CDHR2: variants seen among roughly 807,000 people sequenced by gnomAD.
The protein encoded by CDHR2 is cadherin-related family member 2.
In CDHR2, 104 loss-of-function variants were observed where a neutral mutation model predicts 138.6. The observed-to-expected ratio is 0.75, with a 90% CI of 0.64 to 0.88. The LOEUF is 0.88. CDHR2 is among the 40% of genes least tolerant of loss of function. The pLI is 0.00. For synonymous variants in CDHR2, 755 were observed against 742.8 expected, an observed-to-expected ratio of 1.02 and a Z score of -0.27; for missense variants, 1,624 against 1,727.6, an observed-to-expected ratio of 0.94 and a Z score of 1.06.
upstream of CDHR2, among the ~76,000 whole-genome samples, chr5:176,545,205 C>A (rs149184912): frequency 2.6e-5 from 4 of 152,280 alleles, no homozygotes; most frequent in East Asian, 7.7e-4. Context: ...AATCTCCCCC[C>A]ACCCCACCTC....
rs761570639 is a variant in CDHR2, at chr5:176,584,592, C to T, written c.2311C>T (p.Gln771Ter). 1.2e-6 allele frequency: 2 copies of T among 1,607,294 alleles called. No individual in the cohort carries two copies. Among genetic ancestry groups the T allele is most frequent in the East Asian group, 4.5e-5 (2 of 44,744 alleles). The change falls in exon 19 of 32, where the codon CAG becomes TAG. Residue 771 changes from glutamine (Q) to a stop codon, truncating the protein, a stop_gained. Transcript: ENST00000261944. LOFTEE classifies it high-confidence loss of function. ...GGACGTGAGCCTGGATTACGAGACA[C>T]AGCCCGTCTTCAACTTGACAGTGAG... ...PPDVSLDYET[Q>*]PVFNLTVSAE...
chr5:176,561,278 A>G (rs2113270889), intron 1 of CDHR2, among the ~76,000 whole-genome samples: 1 of 152,250 alleles, frequency 6.6e-6, no homozygotes, highest in South Asian at 2.1e-4. Context: ...ATTTGGACCC[A>G]GGCTCTCAGG....
chr5:176,583,869 G>T (rs975494654), intron 17 of CDHR2, among the ~76,000 whole-genome samples: 2 of 152,306 alleles, frequency 1.3e-5, no homozygotes, highest in Middle Eastern at 6.8e-3. Flanking sequence ...AGGGTCGCAG[G>T]TGGGGACCCA....
At chr5:176,549,211 G>A (rs1472364717), upstream of CDHR2, among the ~76,000 whole-genome samples, 2 of 152,160 alleles carry the variant, frequency 1.3e-5, no homozygotes, top group Non-Finnish European at 2.9e-5. Flanking sequence ...CCTCCTGTCC[G>A]GCGCCCCCAG....
At chr5:176,590,748 G>C in intron 28 of CDHR2, 61 bp downstream of exon 28, 1 of 1,604,944 alleles carries the variant, frequency 6.2e-7, no homozygotes. Context: ...CCAAGACGTC[G>C]GGGGGTAGGG....
In CDHR2 at chr5:176,576,180, G is replaced by C. The variant is rs1758377082; in HGVS notation, c.1189G>C (p.Asp397His). ...CCTCACCATGGTGGTCTACGACCCG[G>C]ACAAGGCAGGCGTGGTGGCGTGGGT... is the stretch of plus-strand genomic sequence containing the variant. ...DDLTMVVYDP[D>H]KGSNGTFLLS... Residue 397 changes from aspartate (D) to histidine (H), a missense_variant, in exon 12 of 32, where the codon GAC becomes CAC. Physicochemically the swap from Asp to His is moderately conservative, Grantham distance 81 (BLOSUM62 -1). Transcript: ENST00000261944. The surrounding 1 kb of genome is among the most constrained non-coding windows in gnomAD (Gnocchi z 4.5). The C allele has an allele frequency of 6.3e-6, 10 of 1,593,704 alleles. No homozygotes were observed. The highest frequency in any genetic ancestry group is 8.5e-6 in the Non-Finnish European group (10 of 1,169,804).
At chr5:176,552,242 G>A (rs1047354298) in intron 1 of CDHR2, among the ~76,000 whole-genome samples, 2 of 152,248 alleles carry the variant, frequency 1.3e-5, no homozygotes, top group African/African-American at 4.8e-5. Context: ...CCCAGAGTGG[G>A]GGCCACCAAC....
At chr5:176,593,090 C>A (rs1758927983) in intron 31 of CDHR2, among the ~76,000 whole-genome samples, 1 of 152,218 alleles carries the variant, frequency 6.6e-6, no homozygotes, top group Non-Finnish European at 1.5e-5. Flanking sequence ...TTGGCACAAA[C>A]AAGTGCTCAC....
rs747388385 is a variant in CDHR2, at chr5:176,577,700, G to T, written c.1414G>T (p.Asp472Tyr). ...CGCCATGGTGACCATCCACCTTAGA[G>T]ACATTAATGACCACAGGCCCACGTT... ...SVAMVTIHLR[D>Y]INDHRPTFPQ... The change falls in exon 14 of 32, where the codon GAC (aspartate) becomes TAC (tyrosine). Residue 472 changes from aspartate to tyrosine, a missense_variant. By Grantham distance (160) the Asp-to-Tyr change is radical. Around this residue, in one of 3 missense-constraint regions of CDHR2, gnomAD observed 1,061 missense variants for 1,136.6 expected, o/e 0.93. Coordinates refer to ENST00000261944, the MANE Select transcript of CDHR2 (RefSeq NM_017675.6). 1.9e-6 allele frequency: 3 copies of T among 1,614,236 alleles called. No individual in the cohort carries two copies. Among genetic ancestry groups the T allele is most frequent in the Non-Finnish European group, 2.5e-6 (3 of 1,180,038 alleles).
Position 176,586,800 on chromosome 5 carries a change from C to A in CDHR2, c.2814C>A (p.Ile938=). 1 of 1,608,520 alleles carries A rather than the reference C, an allele frequency of 6.2e-7. No homozygotes were observed. The change falls in exon 21 of 32, where the codon ATC becomes ATA. Residue 938 remains isoleucine (I), a synonymous_variant. Coordinates refer to ENST00000261944, the MANE Select transcript of CDHR2 (RefSeq NM_017675.6). ...TCCCGTTCACACCTGCAGTGATCAT[C>A]CCTGAACTCGTGCTGCCCAACCGGG... ...FLPENKTFVI[I]PELVLPNREV...
intron 1 of CDHR2, among the ~76,000 whole-genome samples, chr5:176,558,532 T>C (rs1199956540): frequency 4.6e-5 from 7 of 151,770 alleles, no homozygotes; most frequent in Non-Finnish European, 1.0e-4. Context: ...TACAGGCATG[T>C]GCCACCACGC....
At chr5:176,571,352 T>A in intron 6 of CDHR2, 50 bp downstream of exon 6, 1 of 1,373,252 alleles carries the variant, frequency 7.3e-7, no homozygotes. Flanking sequence ...CCCAAAGTGC[T>A]TCTCAGAGTA....
intron 16 of CDHR2, among the ~76,000 whole-genome samples, chr5:176,578,961 A>G (rs1424208229): frequency 6.6e-6 from 1 of 152,236 alleles, no homozygotes; most frequent in African/African-American, 2.4e-5. Context: ...AAGAGAAAAT[A>G]AAGGTGGCAT....
At chr5:176,585,246 C>T (rs1263864949) in intron 19 of CDHR2, among the ~76,000 whole-genome samples, 2 of 152,170 alleles carry the variant, frequency 1.3e-5, no homozygotes, top group Non-Finnish European at 2.9e-5. Flanking sequence ...GGATGTATGG[C>T]ATTTATTGCA....
chr5:176,565,595 G>A (rs1026723332), intron 2 of CDHR2, 77 bp from the exon 3 acceptor site: 46 of 1,369,106 alleles, frequency 3.4e-5, no homozygotes, highest in East Asian at 2.9e-4. Context: ...AAGGACTAGT[G>A]TGTGCTCCCA....
At chr5:176,586,118 C>T in intron 20 of CDHR2, 93 bp downstream of exon 20, 3 of 985,564 alleles carry the variant, frequency 3.0e-6, no homozygotes, top group Non-Finnish European at 4.8e-6. Flanking sequence ...CCAGGGGGAG[C>T]CTTTAGAAAG....
At chr5:176,566,550 C>T (rs984980084) in intron 3 of CDHR2, among the ~76,000 whole-genome samples, 5 of 152,192 alleles carry the variant, frequency 3.3e-5, no homozygotes, top group East Asian at 2.0e-4. Flanking sequence ...GGAGCCCGGA[C>T]GGAGCTGTGG....
chr5:176,554,299 C>CA (rs1459166159), intron 1 of CDHR2, among the ~76,000 whole-genome samples: 1 of 152,194 alleles, frequency 6.6e-6, no homozygotes, highest in Non-Finnish European at 1.5e-5. Context: ...CGTGGATGGT[C>CA]ACCAGGGAGG....
chr5:176,582,722 C>T (rs1029632271), intron 17 of CDHR2, among the ~76,000 whole-genome samples: 1 of 152,160 alleles, frequency 6.6e-6, no homozygotes, highest in Non-Finnish European at 1.5e-5. Flanking sequence ...GTTGAGGCTG[C>T]GGTGAGCTAT....
Sources: allele counts gnomAD v4.1 joint callset (sites outside exome capture counted in the v4.1 genomes callset), GRCh38; gene constraint gnomAD v4.1.1; regional missense constraint gnomAD v4.1.1; non-coding constraint Gnocchi (gnomAD v3.1); transcripts MANE v1.5; gene names NCBI Gene and HGNC (gene_info 2026-07-23, HGNC 2026-07-21).